Variants in DSCAM observed in about 807,000 individuals in gnomAD.
The protein encoded by DSCAM is DS cell adhesion molecule.
DSCAM carries 47 observed loss-of-function variants against 217.7 expected under a neutral mutation model. The observed-to-expected ratio is 0.22, with a 90% CI of 0.17 to 0.28. The LOEUF is 0.28. Among genes scored for constraint, DSCAM ranks in the 10% least tolerant of loss-of-function variants. The pLI is 1.00. For synonymous variants in DSCAM, 1,056 were observed against 1,015.3 expected (o/e 1.04, Z -0.76); for missense variants, 2,080 against 2,618.3 (o/e 0.79, Z 4.49).
intron 9 of DSCAM, among the ~76,000 whole-genome samples, chr21:40,301,248 T>A (rs1249663658): frequency 6.6e-6 from 1 of 152,224 alleles, no homozygotes; most frequent in Non-Finnish European, 1.5e-5. Flanking sequence ...AATTGGATGA[T>A]GTGACTTCCT....
chr21:40,450,442 T>C (rs1286996339), intron 3 of DSCAM, among the ~76,000 whole-genome samples: 3 of 152,172 alleles, frequency 2.0e-5, no homozygotes, highest in Non-Finnish European at 4.4e-5. Context: ...CTCAGCACTT[T>C]GCTTTCAGTA....
chr21:40,269,871 C>T (rs772704861), intron 11 of DSCAM, among the ~76,000 whole-genome samples: 8 of 152,170 alleles, frequency 5.3e-5, no homozygotes, highest in East Asian at 1.9e-4. Flanking sequence ...TGTGCAAGTA[C>T]GCTATTTCCA....
intron 3 of DSCAM, among the ~76,000 whole-genome samples, chr21:40,380,107 A>C (rs2075005100): frequency 6.6e-6 from 1 of 152,238 alleles, no homozygotes; most frequent in Non-Finnish European, 1.5e-5. Flanking sequence ...AAATTCTCTC[A>C]GTGAAATTCT....
chr21:40,077,452 C>T (rs2089382402), intron 26 of DSCAM, among the ~76,000 whole-genome samples: 1 of 152,188 alleles, frequency 6.6e-6, no homozygotes, highest in South Asian at 2.1e-4. Flanking sequence ...CTCATTAGCT[C>T]CTGGTGGTCA....
In DSCAM at chr21:40,614,412, T is replaced by C. The variant is rs191985247; in HGVS notation, c.508+78398A>G. Among the ~76,000 whole-genome samples the C allele has an allele frequency of 3.2e-3, 483 of 152,352 alleles. 1 individual carries two copies. The highest frequency in any genetic ancestry group is 0.011 in the African/African-American group (460 of 41,584). On this transcript the variant is annotated intron_variant, in intron 3 of 32. Coordinates refer to ENST00000400454, the MANE Select transcript of DSCAM (RefSeq NM_001389.5). ...GGTTGTTTTAATTATAATGAAAAGC[T>C]ACTTACAAACACCAAACTGTTGAGA...
At chr21:40,770,596 T>C (rs2091435854) in intron 1 of DSCAM, among the ~76,000 whole-genome samples, 1 of 152,062 alleles carries the variant, frequency 6.6e-6, no homozygotes, top group Non-Finnish European at 1.5e-5. Context: ...CAGTTGGGGG[T>C]GTAGAAAAAG....
chr21:40,662,907 G>C (rs28615870), intron 3 of DSCAM, among the ~76,000 whole-genome samples: 2,487 of 152,204 alleles, frequency 0.016, 63 homozygotes, highest in African/African-American at 0.057. Flanking sequence ...GCCTGAACAG[G>C]GTAAGGTAGG....
chr21:40,404,830 T>C (rs994459764), intron 3 of DSCAM, among the ~76,000 whole-genome samples: 1 of 152,208 alleles, frequency 6.6e-6, no homozygotes, highest in East Asian at 1.9e-4. Context: ...TTCAAATTCA[T>C]TTCCATTTTG....
intron 3 of DSCAM, among the ~76,000 whole-genome samples, chr21:40,566,945 G>A (rs920932444): frequency 2.0e-5 from 3 of 152,034 alleles, no homozygotes; most frequent in African/African-American, 4.8e-5. Flanking sequence ...ACCCAAGTCC[G>A]TAAGCACAAG....
intron 8 of DSCAM, among the ~76,000 whole-genome samples, chr21:40,321,679 T>A (rs1487648059): frequency 1.3e-5 from 2 of 151,920 alleles, no homozygotes; most frequent in East Asian, 3.9e-4. Flanking sequence ...ACCAGATTAA[T>A]GTTTCTAAAA....
chr21:40,050,499 TG>T (rs1376985264), intron 30 of DSCAM, among the ~76,000 whole-genome samples: 1 of 151,864 alleles, frequency 6.6e-6, no homozygotes, highest in Non-Finnish European at 1.5e-5. Context: ...TTTTTTTTTT[TG>T]GAGACAGAGT....
At chr21:40,079,113 A>G in intron 25 of DSCAM, 136 bp from the exon 26 acceptor site, 1 of 916,542 alleles carries the variant, frequency 1.1e-6, no homozygotes, top group African/African-American at 1.7e-5. Context: ...GGCCACTGGC[A>G]ACTTGTCCCC....
intron 16 of DSCAM, among the ~76,000 whole-genome samples, chr21:40,158,533 G>A (rs2090504738): frequency 6.6e-6 from 1 of 152,228 alleles, no homozygotes; most frequent in Admixed American, 6.5e-5. Context: ...TCTGGCTTAT[G>A]TTGAGGGGAA....
At chr21:40,197,276 G>A (rs1342113578) in intron 11 of DSCAM, among the ~76,000 whole-genome samples, 1 of 152,074 alleles carries the variant, frequency 6.6e-6, no homozygotes, top group African/African-American at 2.4e-5. Context: ...CCACAACCAC[G>A]CCCAGCTAAT....
At chr21:40,036,781 G>A (rs138667451) in intron 32 of DSCAM, among the ~76,000 whole-genome samples, 131,939 of 142,506 alleles carry the variant, frequency 0.93, 61,375 homozygotes, top group African/African-American at 0.98. Flanking sequence ...AATACTGGCA[G>A]ACCGAATCCA....
intron 3 of DSCAM, among the ~76,000 whole-genome samples, chr21:40,474,835 C>T (rs2075920231): frequency 6.6e-6 from 1 of 152,150 alleles, no homozygotes; most frequent in African/African-American, 2.4e-5. Context: ...TTGTTCTTGC[C>T]GTGTCCTCTG....
At chr21:40,074,996 G>C (rs1265201011) in intron 27 of DSCAM, 41 bp downstream of exon 27, 8 of 1,603,268 alleles carry the variant, frequency 5.0e-6, no homozygotes, top group Non-Finnish European at 6.8e-6. Flanking sequence ...CTGCAGAGCA[G>C]CAGGGGACAC....
At chr21:40,451,611 T>C (rs1319697435) in intron 3 of DSCAM, among the ~76,000 whole-genome samples, 1 of 152,152 alleles carries the variant, frequency 6.6e-6, no homozygotes, top group African/African-American at 2.4e-5. Context: ...GCATCAAACA[T>C]CCATGTGCCA....
At chr21:40,333,061 C>T (rs1382833000) in intron 8 of DSCAM, among the ~76,000 whole-genome samples, 1 of 152,152 alleles carries the variant, frequency 6.6e-6, no homozygotes, top group Non-Finnish European at 1.5e-5. Flanking sequence ...ATTTTTAAGG[C>T]TTCAGGTTTG....
Sources: gnomAD v4.1 joint callset for allele counts (sites outside exome capture counted in the v4.1 genomes callset) on GRCh38, gnomAD v4.1.1 for gene constraint, MANE v1.5 for transcripts, NCBI Gene and HGNC (gene_info 2026-07-23, HGNC 2026-07-21) for gene names.